The following GPM6A variants were observed in gnomAD, a reference collection of about 807,000 sequenced individuals.
GPM6A encodes neuronal membrane glycoprotein M6-a.
A neutral mutation model predicts 32.1 loss-of-function variants in GPM6A; 7 were observed. The ratio of observed to expected loss-of-function variants is 0.22; its 90% CI spans 0.12 to 0.41. GPM6A has a LOEUF of 0.41. Among genes scored for constraint, GPM6A ranks in the 10% least tolerant of loss-of-function variants. The pLI is 1.00. For synonymous variants in GPM6A, 130 were observed against 123.4 expected, an observed-to-expected ratio of 1.05 and a Z score of -0.35; for missense variants, 235 against 347.2, an observed-to-expected ratio of 0.68 and a Z score of 2.57.
At chr4:175,758,475 G>A (rs1732616681) in intron 1 of GPM6A, among the ~76,000 whole-genome samples, 2 of 152,202 alleles carry the variant, frequency 1.3e-5, no homozygotes, top group Admixed American at 6.5e-5. Flanking sequence ...CCAAGCATAT[G>A]ATTATGTATG....
At chr4:175,965,235 A>G (rs1471386086) in intron 1 of GPM6A, among the ~76,000 whole-genome samples, 1 of 152,214 alleles carries the variant, frequency 6.6e-6, no homozygotes, top group Non-Finnish European at 1.5e-5. Flanking sequence ...ACCACAATGG[A>G]TAGAAACTAG....
At chr4:175,986,061 C>A (rs1339100245) in intron 1 of GPM6A, among the ~76,000 whole-genome samples, 1 of 152,130 alleles carries the variant, frequency 6.6e-6, no homozygotes, top group African/African-American at 2.4e-5. Context: ...CCCTCAGCCT[C>A]CCAAAGTGCA....
intron 1 of GPM6A, among the ~76,000 whole-genome samples, chr4:175,903,266 T>C (rs1187400258): frequency 7.9e-6 from 1 of 127,368 alleles, no homozygotes; most frequent in African/African-American, 2.9e-5. Flanking sequence ...TAAATAACTC[T>C]AATAGATTGT....
intron 1 of GPM6A, among the ~76,000 whole-genome samples, chr4:175,714,584 C>A (rs567224119): frequency 2.2e-4 from 9 of 40,744 alleles, no homozygotes; most frequent in Non-Finnish European, 1.3e-4. Flanking sequence ...GTGTGGTCTC[C>A]ACAGCTATCA....
intron 1 of GPM6A, among the ~76,000 whole-genome samples, chr4:175,983,219 C>T (rs1433689749): frequency 6.6e-6 from 1 of 152,132 alleles, no homozygotes; most frequent in African/African-American, 2.4e-5. Flanking sequence ...CTTCAAGTGG[C>T]TGTGATTATT....
intron 1 of GPM6A, among the ~76,000 whole-genome samples, chr4:175,955,328 C>T (rs908233163): frequency 6.6e-6 from 1 of 152,068 alleles, no homozygotes; most frequent in Admixed American, 6.6e-5. Flanking sequence ...AACAAATATT[C>T]AATAGCAAAT....
chr4:175,931,679 C>T (rs11726826), intron 1 of GPM6A, among the ~76,000 whole-genome samples: 1,469 of 134,608 alleles, frequency 0.011, 18 homozygotes, highest in South Asian at 0.038. Context: ...TATACACACA[C>T]ACACACACAC....
chr4:175,902,515 C>T (rs1387063815), intron 1 of GPM6A, among the ~76,000 whole-genome samples: 1 of 152,094 alleles, frequency 6.6e-6, no homozygotes, highest in East Asian at 1.9e-4. Flanking sequence ...CTTTCTTTGT[C>T]ACCATATGTA....
At chr4:175,999,001 T>G (rs1052606907) in intron 1 of GPM6A, among the ~76,000 whole-genome samples, 1 of 152,188 alleles carries the variant, frequency 6.6e-6, no homozygotes, top group African/African-American at 2.4e-5. Context: ...CTTACTGCCA[T>G]GAGAAGGAGC....
chr4:175,782,882 A>T (rs1363484623), intron 1 of GPM6A, among the ~76,000 whole-genome samples: 1 of 152,034 alleles, frequency 6.6e-6, no homozygotes, highest in African/African-American at 2.4e-5. Flanking sequence ...TAAAATAAAT[A>T]TTTAAGATTT....
chr4:175,673,570 A>G (rs899589141), intron 3 of GPM6A, 110 bp downstream of exon 3: 1 of 665,242 alleles, frequency 1.5e-6, no homozygotes. Context: ...ACAGAAGGAA[A>G]CGTTACTGTG....
At chr4:175,765,923 G>A (rs889849401) in intron 1 of GPM6A, among the ~76,000 whole-genome samples, 1 of 152,112 alleles carries the variant, frequency 6.6e-6, no homozygotes, top group Non-Finnish European at 1.5e-5. Flanking sequence ...GTTTAACAAC[G>A]TCCTGCTCAT....
At chr4:175,745,776 GT>G (rs1205216318) in intron 1 of GPM6A, among the ~76,000 whole-genome samples, 2 of 152,176 alleles carry the variant, frequency 1.3e-5, no homozygotes, top group African/African-American at 4.8e-5. Flanking sequence ...TATTACCAAG[GT>G]GTACGTTGCG....
intron 1 of GPM6A, among the ~76,000 whole-genome samples, chr4:175,735,106 A>C (rs1731604709): frequency 6.6e-6 from 1 of 152,240 alleles, no homozygotes; most frequent in Admixed American, 6.5e-5. Flanking sequence ...TTCAAAGTAC[A>C]TCCTTCTTGA....
chr4:175,798,104 G>A (rs111935010), intron 1 of GPM6A, among the ~76,000 whole-genome samples: 282 of 152,264 alleles, frequency 1.9e-3, no homozygotes, highest in Middle Eastern at 6.8e-3. Context: ...ATGTTGAAGA[G>A]CTACTCAGAA....
upstream of GPM6A, chr4:175,812,698 C>A (rs570376554): frequency 3.2e-5 from 32 of 985,508 alleles, no homozygotes; most frequent in Non-Finnish European, 3.9e-5. Context: ...GGAGGGGTGT[C>A]CTCCTAACAT....
At chr4:175,842,284 T>C (rs1227224021) in intron 1 of GPM6A, among the ~76,000 whole-genome samples, 1 of 152,144 alleles carries the variant, frequency 6.6e-6, no homozygotes, top group African/African-American at 2.4e-5. Context: ...TTTTAAACAA[T>C]ATATATATTA....
intron 1 of GPM6A, among the ~76,000 whole-genome samples, chr4:175,880,723 T>C (rs527726272): frequency 1.3e-5 from 2 of 152,314 alleles, no homozygotes; most frequent in African/African-American, 4.8e-5. Flanking sequence ...CTTGTGATTT[T>C]TGCACATTGA....
intron 1 of GPM6A, among the ~76,000 whole-genome samples, chr4:175,766,729 A>G (rs1424309170): frequency 7.0e-6 from 1 of 142,012 alleles, no homozygotes; most frequent in Non-Finnish European, 1.5e-5. Context: ...ATCTCTGCTC[A>G]CTGCAACCTC....
Sources: allele counts gnomAD v4.1 joint callset (sites outside exome capture counted in the v4.1 genomes callset), GRCh38; gene constraint gnomAD v4.1.1; transcripts MANE v1.5; gene names NCBI Gene and HGNC (gene_info 2026-07-23, HGNC 2026-07-21).